The following AGBL1 variants were observed in gnomAD, a reference collection of about 807,000 sequenced individuals.
The protein encoded by AGBL1 is cytosolic carboxypeptidase 4.
A neutral mutation model predicts 118.9 loss-of-function variants in AGBL1; 130 were observed. The observed-to-expected ratio is 1.09, with a 90% CI of 0.95 to 1.26. AGBL1 has a LOEUF of 1.26. AGBL1 is among the 50% of genes most tolerant of loss of function. The pLI is 0.00. For missense variants in AGBL1, 1,584 were observed against 1,298.1 expected (o/e 1.22, Z -3.38); for synonymous variants, 555 against 478.9 (o/e 1.16, Z -2.08).
chr15:86,601,556 G>A (rs2084493959), intron 21 of AGBL1, among the ~76,000 whole-genome samples: 1 of 152,100 alleles, frequency 6.6e-6, no homozygotes, highest in African/African-American at 2.4e-5. Context: ...ATAAACAAAT[G>A]CTTTTTTAAA....
intron 22 of AGBL1, among the ~76,000 whole-genome samples, chr15:86,732,374 T>C (rs1292099946): frequency 1.3e-5 from 2 of 152,222 alleles, no homozygotes; most frequent in Non-Finnish European, 2.9e-5. Flanking sequence ...TTTCTTGTGA[T>C]GTGATTTTAC....
chr15:86,125,601 T>C (rs1898375806), intron 1 of AGBL1, among the ~76,000 whole-genome samples: 1 of 152,228 alleles, frequency 6.6e-6, no homozygotes, highest in Admixed American at 6.5e-5. Context: ...TTCTGTCAAG[T>C]GACTGCTTAT....
intron 22 of AGBL1, among the ~76,000 whole-genome samples, chr15:86,858,920 G>C (rs929424295): frequency 1.3e-5 from 2 of 152,084 alleles, no homozygotes; most frequent in African/African-American, 4.8e-5. Context: ...AACTCTAAAA[G>C]TTAAATATTA....
intron 18 of AGBL1, among the ~76,000 whole-genome samples, chr15:86,445,259 G>T (rs2082107964): frequency 6.6e-6 from 1 of 152,216 alleles, no homozygotes; most frequent in African/African-American, 2.4e-5. Flanking sequence ...TGGAGAGAAA[G>T]AAATCCATAA....
At chr15:86,089,711 A>G (rs1346188412) in intron 1 of AGBL1, among the ~76,000 whole-genome samples, 2 of 152,162 alleles carry the variant, frequency 1.3e-5, no homozygotes, top group Non-Finnish European at 2.9e-5. Flanking sequence ...TGCTAGCTCA[A>G]TGCCCTACAG....
intron 22 of AGBL1, among the ~76,000 whole-genome samples, chr15:86,727,444 C>G (rs935340001): frequency 6.6e-6 from 1 of 152,054 alleles, no homozygotes; most frequent in African/African-American, 2.4e-5. Flanking sequence ...GATTCCCATT[C>G]TATGTTTTAT....
chr15:86,865,540 A>G (rs544365454), intron 22 of AGBL1, among the ~76,000 whole-genome samples: 1 of 152,344 alleles, frequency 6.6e-6, no homozygotes, highest in South Asian at 2.1e-4. Context: ...AATGGACAGT[A>G]TAAATAGTTT....
At chr15:86,085,188 A>C (rs1895556971) in intron 1 of AGBL1, among the ~76,000 whole-genome samples, 1 of 152,214 alleles carries the variant, frequency 6.6e-6, no homozygotes, top group African/African-American at 2.4e-5. Context: ...TTGGGGGAAG[A>C]AACCTCTCCT....
At chr15:86,267,894 G>T (rs1436307122) in intron 13 of AGBL1, among the ~76,000 whole-genome samples, 1 of 152,180 alleles carries the variant, frequency 6.6e-6, no homozygotes, top group African/African-American at 2.4e-5. Flanking sequence ...ATCAGAATCA[G>T]AGTGCCAGGG....
At chr15:86,880,692 T>C (rs765886729) in intron 22 of AGBL1, among the ~76,000 whole-genome samples, 1 of 152,066 alleles carries the variant, frequency 6.6e-6, no homozygotes, top group Non-Finnish European at 1.5e-5. Flanking sequence ...AGTGTGTACA[T>C]GTGTGCATTT....
At chr15:86,865,945 A>C (rs139080148) in intron 22 of AGBL1, among the ~76,000 whole-genome samples, 76 of 152,310 alleles carry the variant, frequency 5.0e-4, no homozygotes, top group Non-Finnish European at 9.3e-4. Context: ...TCTGGCATAT[A>C]ACCAAGTGCT....
intron 22 of AGBL1, among the ~76,000 whole-genome samples, chr15:86,718,851 A>G (rs1406156844): frequency 1.3e-5 from 2 of 152,194 alleles, no homozygotes; most frequent in Non-Finnish European, 2.9e-5. Flanking sequence ...CAAGAGAACA[A>G]TGGTGATTCC....
chr15:86,434,449 C>T (rs900541331), intron 18 of AGBL1, among the ~76,000 whole-genome samples: 9 of 152,136 alleles, frequency 5.9e-5, no homozygotes, highest in African/African-American at 2.2e-4. Flanking sequence ...GTGCAGTTTG[C>T]TTACATTTAA....
At chr15:86,294,717 C>T (rs2141772412) in intron 16 of AGBL1, among the ~76,000 whole-genome samples, 1 of 152,132 alleles carries the variant, frequency 6.6e-6, no homozygotes, top group South Asian at 2.1e-4. Flanking sequence ...TTAAGGAAGG[C>T]ATGCTTAGAT....
At chr15:86,159,854 G>T (rs72750291) in intron 5 of AGBL1, among the ~76,000 whole-genome samples, 19,294 of 151,798 alleles carry the variant, frequency 0.13, 1,370 homozygotes, top group Middle Eastern at 0.22. Context: ...TTTCTCTTGG[G>T]TCACTACAGT....
At chr15:86,905,309 A>C (rs1239704508) in intron 22 of AGBL1, among the ~76,000 whole-genome samples, 1 of 152,224 alleles carries the variant, frequency 6.6e-6, no homozygotes, top group African/African-American at 2.4e-5. Context: ...GTTGTGTCCC[A>C]CTGGACCCTG....
chr15:86,693,684 G>A (rs949552483), intron 22 of AGBL1, among the ~76,000 whole-genome samples: 5 of 151,540 alleles, frequency 3.3e-5, no homozygotes, highest in African/African-American at 1.2e-4. Flanking sequence ...CCAATGCCTA[G>A]AGGGTCTTTT....
At chr15:86,217,852 T>C (rs1419271833) in intron 5 of AGBL1, among the ~76,000 whole-genome samples, 3 of 152,018 alleles carry the variant, frequency 2.0e-5, no homozygotes, top group African/African-American at 7.3e-5. Flanking sequence ...GGATTTTTTA[T>C]CCAGAGCAAG....
intron 3 of AGBL1, among the ~76,000 whole-genome samples, chr15:86,149,360 A>C (rs774304823): frequency 6.6e-6 from 1 of 152,230 alleles, no homozygotes; most frequent in Non-Finnish European, 1.5e-5. Flanking sequence ...AAGATCCATC[A>C]GAGTGCCATA....
Sources: gnomAD v4.1 joint callset for allele counts (sites outside exome capture counted in the v4.1 genomes callset) on GRCh38, gnomAD v4.1.1 for gene constraint, MANE v1.5 for transcripts, NCBI Gene and HGNC (gene_info 2026-07-23, HGNC 2026-07-21) for gene names.